CPM: variants seen among roughly 807,000 people sequenced by gnomAD.
The protein encoded by CPM is carboxypeptidase M, also known as renal carboxypeptidase.
A neutral mutation model predicts 46.4 loss-of-function variants in CPM; 35 were observed. The observed-to-expected ratio is 0.75, with a 90% confidence interval of 0.58 to 1.00. The LOEUF (loss-of-function observed/expected upper bound fraction) is 1.00, where lower values mean the gene tolerates loss of function less well. Ranked by LOEUF, CPM falls within the 50% of genes least tolerant of loss-of-function variation. The pLI is 0.00. For missense variants in CPM, 422 were observed against 530.4 expected (o/e 0.80, Z 2.01); for synonymous variants, 195 against 195.3 (o/e 1.00, Z 0.01).
Position 68,904,790 on chromosome 12 carries a change from G to GA in CPM, c.161-18902dup, listed in dbSNP as rs559729024. ...GCATGTGGGTGGAAGGGGAAGAAGA[G>GA]AGAGAGGAGGATCCTCATAGTGATT... On this transcript the variant is annotated intron_variant, in intron 2 of 8. Coordinates refer to ENST00000551568, the MANE Select transcript of CPM (RefSeq NM_198320.5). 2.8e-4 allele frequency among the ~76,000 whole-genome samples: 42 copies of GA among 152,346 alleles called. 1 individual carries two copies. In the South Asian group the frequency reaches 8.3e-3, roughly 30 times the overall value.
intron 3 of CPM, among the ~76,000 whole-genome samples, chr12:68,879,721 C>T (rs1389888433): frequency 6.6e-6 from 1 of 152,060 alleles, no homozygotes; most frequent in Non-Finnish European, 1.5e-5. Flanking sequence ...TTCCATTAGG[C>T]AGGAATTAAA....
At chr12:68,883,820 C>T (rs10878876) in intron 3 of CPM, among the ~76,000 whole-genome samples, 75,638 of 151,062 alleles carry the variant, frequency 0.5, 19,742 homozygotes, top group Non-Finnish European at 0.58. Flanking sequence ...CTGAGTCAGG[C>T]GCGGTGGCTC....
rs570346611 is a variant in CPM at position 68,945,611 on chromosome 12, C to T, written c.-3-12771G>A. On this transcript the variant is annotated intron_variant, in intron 1 of 8. Transcript: ENST00000546373. Reference sequence around the variant, plus strand: ...TGTTGGGTCCCCAATGTTGGTATAACAAAAACGTTAGTATTCTTATCCACA... The same window carrying T: ...TGTTGGGTCCCCAATGTTGGTATAATAAAAACGTTAGTATTCTTATCCACA... Among the ~76,000 whole-genome samples the T allele has an allele frequency of 2.6e-5, 4 of 152,220 alleles. No individual in the cohort carries two copies. In the South Asian group the frequency reaches 8.3e-4, roughly 32 times the overall value.
Position 68,863,579 on chromosome 12 carries a change from G to C in CPM, c.940+3317C>G, listed in dbSNP as rs547625531. 3.8e-4 allele frequency among the ~76,000 whole-genome samples: 58 copies of C among 152,298 alleles called. No individual in the cohort carries two copies. The South Asian group carries it at 6.2e-3, about 16-fold the overall frequency. ...CTGAAGCCTTAGAACAGGCTGGTGG[G>C]AGGCAAGGCTGATGCTATTACTCTC... On this transcript the variant is annotated intron_variant, in intron 7 of 8. Transcript: ENST00000551568.
chr12:68,868,806 G>A (rs576957259), intron 6 of CPM, among the ~76,000 whole-genome samples: 1 of 151,934 alleles, frequency 6.6e-6, no homozygotes, highest in Admixed American at 6.6e-5. Context: ...TGCAAGATCT[G>A]GCAGTATTGG....
At chr12:68,933,203 C>T (rs1888592778), upstream of CPM, 1 of 153,832 alleles carries the variant, frequency 6.5e-6, no homozygotes, top group African/African-American at 2.4e-5. Context: ...GTGTTATAGC[C>T]CGGTCAGAGG....
rs2136211381 is a variant in CPM at position 68,855,317 on chromosome 12, C to T, written c.*1120G>A. ...AGGGGGAACAGGATGAGTATCTCCA[C>T]ATGATGGGTTGGAGGTACCTGTGAG... On this transcript the variant is annotated 3_prime_UTR_variant, in exon 9 of 9. Coordinates refer to ENST00000551568, the MANE Select transcript of CPM (RefSeq NM_198320.5). 1 of 152,342 alleles carries T rather than the reference C, an allele frequency of 6.6e-6. No individual in the cohort carries two copies. The highest frequency in any genetic ancestry group is 2.1e-4 in the South Asian group (1 of 4,798). The allele number at this position is 152,342 out of a possible 1,614,324, so 9.4% of individuals were successfully genotyped here.
intron 2 of CPM, chr12:68,914,087 T>C (rs1887709716): frequency 1.4e-5 from 8 of 588,162 alleles, no homozygotes; most frequent in Non-Finnish European, 2.6e-5. Context: ...TCTGGGTAAT[T>C]ACAAACAGAA....
chr12:68,959,178 G>T (rs73148637), intron 1 of CPM, among the ~76,000 whole-genome samples: 25,204 of 152,160 alleles, frequency 0.17, 2,200 homozygotes, highest in Middle Eastern at 0.19. Context: ...TGGTCATCCC[G>T]TTCAGTGTTG....
At chr12:68,889,993 A>G (rs1565782437) in intron 2 of CPM, among the ~76,000 whole-genome samples, 1 of 152,096 alleles carries the variant, frequency 6.6e-6, no homozygotes, top group East Asian at 1.9e-4. Flanking sequence ...CCCTGTCCTC[A>G]CTTGGGGCTG....
upstream of CPM, among the ~76,000 whole-genome samples, chr12:68,937,795 T>A (rs1366165185): frequency 6.6e-6 from 1 of 152,180 alleles, no homozygotes; most frequent in East Asian, 1.9e-4. Flanking sequence ...TTCTGAAAAG[T>A]TTTTCCACCA....
At chr12:68,898,996 T>C (rs1887003662) in intron 2 of CPM, among the ~76,000 whole-genome samples, 1 of 152,188 alleles carries the variant, frequency 6.6e-6, no homozygotes, top group Non-Finnish European at 1.5e-5. Context: ...GCAGATGATG[T>C]AGTATCAGAC....
chr12:68,956,969 G>A (rs960653632), intron 1 of CPM, among the ~76,000 whole-genome samples: 2 of 152,068 alleles, frequency 1.3e-5, no homozygotes, highest in Non-Finnish European at 2.9e-5. Flanking sequence ...CAAGTCCTAT[G>A]AACAATGGTG....
intron 5 of CPM, chr12:68,843,087 G>A (rs573441053): frequency 6.3e-5 from 14 of 221,306 alleles, no homozygotes; most frequent in African/African-American, 9.0e-5. Flanking sequence ...GCAATTTGTT[G>A]TGTGGGTTTT....
At chr12:68,958,898 C>A (rs1371011665) in intron 1 of CPM, among the ~76,000 whole-genome samples, 1 of 152,142 alleles carries the variant, frequency 6.6e-6, no homozygotes, top group African/African-American at 2.4e-5. Flanking sequence ...ACCCAAGGGC[C>A]TTTGCACAAG....
intron 7 of CPM, among the ~76,000 whole-genome samples, chr12:68,866,607 G>A (rs1382796427): frequency 1.3e-5 from 2 of 152,154 alleles, no homozygotes; most frequent in South Asian, 2.1e-4. Context: ...GCCTCCCAAA[G>A]TGCTGGGATT....
chr12:68,882,903 G>A (rs1483653249), intron 3 of CPM, among the ~76,000 whole-genome samples: 1 of 152,168 alleles, frequency 6.6e-6, no homozygotes, highest in Admixed American at 6.5e-5. Context: ...GCATAAATAA[G>A]TAAAATAAAA....
At chr12:68,861,278 T>G (rs1885200550) in intron 7 of CPM, among the ~76,000 whole-genome samples, 1 of 152,198 alleles carries the variant, frequency 6.6e-6, no homozygotes, top group Non-Finnish European at 1.5e-5. Flanking sequence ...TTAATTCAAC[T>G]TTGTTCCACA....
At chr12:68,884,412 C>G (rs557314041) in intron 3 of CPM, among the ~76,000 whole-genome samples, 10 of 152,276 alleles carry the variant, frequency 6.6e-5, no homozygotes, top group African/African-American at 2.4e-4. Flanking sequence ...AGTATCCTCT[C>G]TCAGCAGGAC....
Sources: allele counts gnomAD v4.1 joint callset (sites outside exome capture counted in the v4.1 genomes callset), GRCh38; gene constraint gnomAD v4.1.1; transcripts MANE v1.5; gene names NCBI Gene and HGNC (gene_info 2026-07-23, HGNC 2026-07-21).